FBLN1: variants seen among roughly 807,000 people sequenced by gnomAD.
FBLN1 encodes fibulin-1.
A neutral mutation model predicts 89.7 loss-of-function variants in FBLN1; 34 were observed. The ratio of observed to expected loss-of-function variants is 0.38; its 90% CI spans 0.29 to 0.50. The LOEUF (loss-of-function observed/expected upper bound fraction) is 0.50, where lower values mean the gene tolerates loss of function less well. Ranked by LOEUF, FBLN1 falls within the 20% of genes least tolerant of loss-of-function variation. The pLI is 0.92. For synonymous variants in FBLN1, 393 were observed against 391.3 expected, an observed-to-expected ratio of 1.00 and a Z score of -0.05; for missense variants, 777 against 988.1, an observed-to-expected ratio of 0.79 and a Z score of 2.86.
rs779141731 is a variant in FBLN1 at position 45,543,559 on chromosome 22, C to T, written c.1321+33C>T. 1.9e-6 allele frequency: 3 copies of T among 1,608,992 alleles called. No individual in the cohort carries two copies. In the South Asian group the frequency reaches 3.3e-5, roughly 18 times the overall value. ...TGGGGCCCCGTCCACTCACCTCCCCCAGGTCACCTTCCTCCTGGGGAAGCC... is the reference window on the plus strand; with the variant it reads ...TGGGGCCCCGTCCACTCACCTCCCCTAGGTCACCTTCCTCCTGGGGAAGCC... On this transcript the variant is annotated intron_variant, in intron 11 of 16. Transcript: ENST00000327858.
chr22:45,508,607 G>C lies in FBLN1; in HGVS notation c.79+5543G>C, dbSNP rs573307084. Among the ~76,000 whole-genome samples, 172 of 152,274 alleles carry C rather than the reference G, an allele frequency of 1.1e-3. 1 individual carries two copies. Among genetic ancestry groups the C allele is most frequent in the Admixed American group, 2.0e-3 (31 of 15,298 alleles). On this transcript the variant is annotated intron_variant, in intron 1 of 16. Transcript: ENST00000327858. ...ACTTGAATCTTTAAGTCTAGTTCAG[G>C]GGGGGATGCCTGTTTCCTTTGGAGT...
chr22:45,580,257 G>A lies in FBLN1; in HGVS notation c.1972+3149G>A, dbSNP rs374836499. Among the ~76,000 whole-genome samples, 1 of 152,174 alleles carries A rather than the reference G, an allele frequency of 6.6e-6. No individual in the cohort carries two copies. The highest frequency in any genetic ancestry group is 1.9e-4 in the East Asian group (1 of 5,162). The stretch of plus-strand genomic sequence containing the variant: ...AGCGGCTTCCAGGGCTGCTGCTCCT[G>A]GTGGGGAGCGTGGGAGGCTCTTGAG... On this transcript the variant is annotated intron_variant, in intron 16 of 16. Transcript: ENST00000327858. The surrounding 1 kb of genome is among the most constrained non-coding windows in gnomAD (Gnocchi z 8.6).
At chr22:45,594,466 T>C (rs1327653528) in intron 16 of FBLN1, among the ~76,000 whole-genome samples, 1 of 152,238 alleles carries the variant, frequency 6.6e-6, no homozygotes, top group Admixed American at 6.5e-5. Context: ...TCCTGCTTCC[T>C]TGGCTCATAT....
rs903658253 is a variant in FBLN1, at chr22:45,557,608, G to A, written c.1697+6993G>A. Reference sequence around the variant, plus strand: ...ACAGGGGTGGCTGGGGAAAGAGGCCGAGTGGTGTCCACAGAATGAATCATC... The same window carrying A: ...ACAGGGGTGGCTGGGGAAAGAGGCCAAGTGGTGTCCACAGAATGAATCATC... On this transcript the variant is annotated intron_variant, in intron 14 of 16. Transcript: ENST00000327858. This position sits in a 1 kb window ranked among gnomAD's most constrained non-coding sequence, Gnocchi z 4.9. Among the ~76,000 whole-genome samples the A allele has an allele frequency of 2.0e-5, 3 of 152,164 alleles. No homozygotes were observed. The highest frequency in any genetic ancestry group is 2.9e-5 in the Non-Finnish European group (2 of 68,026).
chr22:45,594,491 C>T (rs1248972627), intron 16 of FBLN1, among the ~76,000 whole-genome samples: 1 of 152,174 alleles, frequency 6.6e-6, no homozygotes, highest in East Asian at 1.9e-4. Flanking sequence ...TCCTCAAAAC[C>T]CAATTTAAAG....
rs1475676501 is a variant in FBLN1 at position 45,588,061 on chromosome 22, G to A, written c.1972+10953G>A. On this transcript the variant is annotated intron_variant, in intron 16 of 16. Transcript: ENST00000327858. This position sits in a 1 kb window ranked among gnomAD's most constrained non-coding sequence, Gnocchi z 5.1. ...TCTCATACACTTTTTATCCCAGAGGGTAGGAGTACACGAGAAACAAGCATA... is the reference window on the plus strand; with the variant it reads ...TCTCATACACTTTTTATCCCAGAGGATAGGAGTACACGAGAAACAAGCATA... 6.6e-6 allele frequency among the ~76,000 whole-genome samples: 1 copy of A among 152,226 alleles called. No individual in the cohort carries two copies.
chr22:45,524,859 G>T (rs950550219), intron 2 of FBLN1, among the ~76,000 whole-genome samples: 3 of 152,032 alleles, frequency 2.0e-5, no homozygotes, highest in Non-Finnish European at 4.4e-5. Context: ...CTGAGGCGGG[G>T]GGATCACCCG....
At chr22:45,520,696 G>A (rs552778627) in intron 2 of FBLN1, among the ~76,000 whole-genome samples, 1 of 152,366 alleles carries the variant, frequency 6.6e-6, no homozygotes, top group East Asian at 1.9e-4. Context: ...TGCAGGCAGA[G>A]GAACTGAGGC....
At chr22:45,523,751 C>T (rs1199904044) in intron 2 of FBLN1, among the ~76,000 whole-genome samples, 2 of 152,148 alleles carry the variant, frequency 1.3e-5, no homozygotes, top group East Asian at 1.9e-4. Context: ...CTGCTGTGAA[C>T]ATGGGTGTGC....
At chr22:45,515,400 G>A (rs530477623) in intron 1 of FBLN1, among the ~76,000 whole-genome samples, 66 of 152,308 alleles carry the variant, frequency 4.3e-4, no homozygotes, top group Admixed American at 3.8e-3. Context: ...CTCAGAACAT[G>A]GGAGCTACCT....
At chr22:45,528,290 C>A (rs1338893358) in intron 4 of FBLN1, among the ~76,000 whole-genome samples, 1 of 152,078 alleles carries the variant, frequency 6.6e-6, no homozygotes, top group African/African-American at 2.4e-5. Flanking sequence ...TGAGGCCCAC[C>A]CATGGTATGA....
chr22:45,532,876 G>A lies in FBLN1; in HGVS notation c.545-187G>A. ...GTTGGGACCTGAAGCAGCAGCCCCT[G>A]GGGGGTGTCCAGAGCCAGAGCCTGG... On this transcript the variant is annotated intron_variant, in intron 5 of 16. Transcript: ENST00000327858. This position sits in a 1 kb window ranked among gnomAD's most constrained non-coding sequence, Gnocchi z 4.2. The A allele has an allele frequency of 1.6e-6, 1 of 632,980 alleles. No homozygotes were observed. The highest frequency in any genetic ancestry group is 2.8e-6 in the Non-Finnish European group (1 of 350,946). 39.2% of individuals were successfully genotyped at this position (632,980 alleles called of 1,614,324 possible). A position where few individuals can be genotyped will look rare whatever the true frequency, so the allele number is the denominator to read the frequency against.
intron 7 of FBLN1, among the ~76,000 whole-genome samples, chr22:45,534,575 C>T (rs1417416955): frequency 6.6e-6 from 1 of 152,192 alleles, no homozygotes; most frequent in Admixed American, 6.5e-5. Flanking sequence ...AAATGTCACT[C>T]ACTGTATCAT....
At chr22:45,600,166 C>T (rs557145676) in intron 16 of FBLN1, 141 bp from the exon 17 acceptor site, 59 of 965,526 alleles carry the variant, frequency 6.1e-5, no homozygotes, top group South Asian at 8.1e-5. Flanking sequence ...TCAGGGGACT[C>T]GAGCATCTGG....
rs1009876438 is a variant in FBLN1 at position 45,531,132 on chromosome 22, C to G, written c.485-133C>G. 5.7e-5 allele frequency: 43 copies of G among 759,652 alleles called. No homozygotes were observed. In the African/African-American group the frequency reaches 6.8e-4, roughly 12 times the overall value. 47.1% of individuals were successfully genotyped at this position (759,652 alleles called of 1,614,324 possible). A position where few individuals can be genotyped will look rare whatever the true frequency, so the allele number is the denominator to read the frequency against. On this transcript the variant is annotated intron_variant, in intron 4 of 16. Transcript: ENST00000327858. This position sits in a 1 kb window ranked among gnomAD's most constrained non-coding sequence, Gnocchi z 4.9. ...TAGCTTAAAGAGGATAAAGTTAATA[C>G]TTAGCTGTTTATATAAGATGTTCAA... is the stretch of plus-strand genomic sequence containing the variant.
intron 16 of FBLN1, among the ~76,000 whole-genome samples, chr22:45,594,884 A>ATG (rs1601547481): frequency 2.9e-5 from 4 of 139,124 alleles, no homozygotes; most frequent in African/African-American, 1.2e-4. Flanking sequence ...ATGGATGGAT[A>ATG]GATGGATTGG....
At position 45,561,084 on chromosome 22, in the gene FBLN1, G is replaced by A. The variant is rs1020148595; in HGVS notation, c.1697+10469G>A. On this transcript the variant is annotated intron_variant, in intron 14 of 16. Transcript: ENST00000327858. The surrounding 1 kb of genome is among the most constrained non-coding windows in gnomAD (Gnocchi z 4.7). ...AACTCAGTGTCCCCAGCTTCATCAG[G>A]CTCCTCCCACATGTCCCCATTCCAA... 6.6e-6 allele frequency among the ~76,000 whole-genome samples: 1 copy of A among 152,158 alleles called. No individual in the cohort carries two copies. The highest frequency in any genetic ancestry group is 6.5e-5 in the Admixed American group (1 of 15,270).
In FBLN1 at chr22:45,562,326, T is replaced by C. The variant is rs2088857993; in HGVS notation, c.1697+11711T>C. On this transcript the variant is annotated intron_variant, in intron 14 of 16. Coordinates refer to ENST00000327858, the MANE Select transcript of FBLN1 (RefSeq NM_006486.3). This position sits in a 1 kb window ranked among gnomAD's most constrained non-coding sequence, Gnocchi z 7.8. ...CTGAGTAGCGATATGGCTCCCTCAC[T>C]CACTCTGTGACCTTGGGAAGTGGGA... Among the ~76,000 whole-genome samples the C allele has an allele frequency of 6.6e-6, 1 of 152,146 alleles. No individual in the cohort carries two copies. The highest frequency in any genetic ancestry group is 2.4e-5 in the African/African-American group (1 of 41,436).
At position 45,557,980 on chromosome 22, in the gene FBLN1, G is replaced by A. The variant is rs1053448134; in HGVS notation, c.1697+7365G>A. The A allele has an allele frequency of 1.4e-6, 1 of 705,080 alleles. No homozygotes were observed. The highest frequency in any genetic ancestry group is 1.8e-5 in the African/African-American group (1 of 56,894). The allele number at this position is 705,080 out of a possible 1,614,324, so 43.7% of individuals were successfully genotyped here. On this transcript the variant is annotated intron_variant, in intron 14 of 16. Transcript: ENST00000327858. The surrounding 1 kb of genome is among the most constrained non-coding windows in gnomAD (Gnocchi z 4.9). ...TTCAGGGATGTCCTAGAAAGGGGCA[G>A]TAGTGCTGCAGCTGTCCACTTTCGG...
Sources: allele counts gnomAD v4.1 joint callset (sites outside exome capture counted in the v4.1 genomes callset), GRCh38; gene constraint gnomAD v4.1.1; non-coding constraint Gnocchi (gnomAD v3.1); transcripts MANE v1.5; gene names NCBI Gene and HGNC (gene_info 2026-07-23, HGNC 2026-07-21).